The following OSBPL10 variants were observed in gnomAD, a reference collection of about 807,000 sequenced individuals.
The protein encoded by OSBPL10 is oxysterol binding protein like 10, also known as oxysterol-binding protein-related protein 10.
OSBPL10 carries 49 observed loss-of-function variants against 81.7 expected under a neutral mutation model. That is an observed-to-expected ratio of 0.60 (90% confidence interval 0.48 to 0.76). OSBPL10 has a LOEUF of 0.76. Ranked by LOEUF, OSBPL10 falls within the 30% of genes least tolerant of loss-of-function variation. The pLI is 0.00. For synonymous variants in OSBPL10, 419 were observed against 383.6 expected (o/e 1.09, Z -1.08); for missense variants, 923 against 987.8 (o/e 0.93, Z 0.88).
chr3:31,940,072 G>C (rs1051293962), intron 1 of OSBPL10, among the ~76,000 whole-genome samples: 1 of 152,186 alleles, frequency 6.6e-6, no homozygotes. Flanking sequence ...CCATGATTAA[G>C]TATTTAACCA....
rs72850521 is a variant in OSBPL10 at position 31,832,432 on chromosome 3, C to T, written c.538-2201G>A. On this transcript the variant is annotated intron_variant, in intron 3 of 11. Transcript: ENST00000396556. ...TAATTGTTCCTATACTTCATCTCAGCTTGAGAAAAGGCAAGTTAGATAATG... is the reference window on the plus strand; with the variant it reads ...TAATTGTTCCTATACTTCATCTCAGTTTGAGAAAAGGCAAGTTAGATAATG... Among the ~76,000 whole-genome samples, 900 of 152,238 alleles carry T rather than the reference C, an allele frequency of 5.9e-3. 12 individuals carry two copies. Among genetic ancestry groups the T allele is most frequent in the African/African-American group, 0.02 (842 of 41,526 alleles).
At chr3:31,912,594 T>C (rs527789488) in intron 1 of OSBPL10, among the ~76,000 whole-genome samples, 5 of 152,120 alleles carry the variant, frequency 3.3e-5, no homozygotes, top group Non-Finnish European at 7.4e-5. Flanking sequence ...ATCAACTTCA[T>C]CATCAACATT....
chr3:31,848,249 T>A (rs1485744239), intron 3 of OSBPL10, among the ~76,000 whole-genome samples: 1 of 151,850 alleles, frequency 6.6e-6, no homozygotes, highest in Non-Finnish European at 1.5e-5. Context: ...TGAACTGCCT[T>A]CCTTGACTCA....
At chr3:31,722,847 T>C (rs138095887) in intron 6 of OSBPL10, among the ~76,000 whole-genome samples, 1 of 152,312 alleles carries the variant, frequency 6.6e-6, no homozygotes, top group African/African-American at 2.4e-5. Flanking sequence ...TAAATAAAGA[T>C]TTGATACTCT....
intron 3 of OSBPL10, among the ~76,000 whole-genome samples, chr3:31,858,001 T>G (rs543476732): frequency 4.9e-4 from 5 of 10,176 alleles, no homozygotes; most frequent in Non-Finnish European, 1.1e-3. Flanking sequence ...CAGCCTGTGT[T>G]TTTTTTTTTT....
chr3:31,736,958 C>G (rs1361799799), intron 5 of OSBPL10, among the ~76,000 whole-genome samples: 1 of 152,194 alleles, frequency 6.6e-6, no homozygotes, highest in African/African-American at 2.4e-5. Flanking sequence ...GACAACGTTC[C>G]CTCCATTCTT....
At chr3:31,832,844 T>C (rs1238507440) in intron 3 of OSBPL10, among the ~76,000 whole-genome samples, 1 of 152,228 alleles carries the variant, frequency 6.6e-6, no homozygotes, top group Non-Finnish European at 1.5e-5. Context: ...CTAGGTAGTC[T>C]TAGCCTCAGG....
At chr3:31,791,309 C>T (rs1271406204) in intron 4 of OSBPL10, among the ~76,000 whole-genome samples, 1 of 152,118 alleles carries the variant, frequency 6.6e-6, no homozygotes, top group Non-Finnish European at 1.5e-5. Flanking sequence ...GTGAAGGGCA[C>T]ATTCCCAGGC....
intron 1 of OSBPL10, among the ~76,000 whole-genome samples, chr3:32,072,711 A>T (rs1296630784): frequency 6.6e-6 from 1 of 151,984 alleles, no homozygotes; most frequent in African/African-American, 2.4e-5. Context: ...TCGGGGATTC[A>T]CCCTCGCCCA....
intron 3 of OSBPL10, among the ~76,000 whole-genome samples, chr3:31,841,310 T>A (rs1700491805): frequency 6.6e-6 from 1 of 152,200 alleles, no homozygotes; most frequent in African/African-American, 2.4e-5. Flanking sequence ...ACAAGATTCA[T>A]TTACTTATTT....
Position 32,050,057 on chromosome 3 carries a change from T to G in OSBPL10, n.186-3454A>C, listed in dbSNP as rs118116804. ...GTCTTAAGCTGTAGTGAATCTGGTG[T>G]AACAGCAGCAAAAACTGGATGAAGT... On this transcript the variant is annotated intron_variant and non_coding_transcript_variant, in intron 1 of 3. Transcript: ENST00000479173. Among the ~76,000 whole-genome samples the G allele has an allele frequency of 5.8e-3, 884 of 152,328 alleles. 42 individuals are homozygous for G. The East Asian group carries it at 0.11, about 19-fold the overall frequency.
chr3:31,979,297 T>G (rs1172270527), intron 1 of OSBPL10, among the ~76,000 whole-genome samples: 2 of 152,196 alleles, frequency 1.3e-5, no homozygotes, highest in Non-Finnish European at 2.9e-5. Context: ...TAAGTGCAAC[T>G]TCCACTAACA....
At chr3:31,944,833 TAAAAAAAAAAAAAA>T (rs869140991) in intron 1 of OSBPL10, among the ~76,000 whole-genome samples, 54 of 55,116 alleles carry the variant, frequency 9.8e-4, no homozygotes, top group Admixed American at 1.8e-3. Context: ...CCCCTCTCTT[TAAAAAAAAAAAAAA>T]AAAAAAAAAA....
At chr3:31,876,373 A>G (rs1305158936) in intron 3 of OSBPL10, 60 bp downstream of exon 3, 9 of 1,412,950 alleles carry the variant, frequency 6.4e-6, no homozygotes, top group Non-Finnish European at 9.0e-6. Flanking sequence ...GAAACAAATA[A>G]TGGGGCTGAA....
chr3:31,721,607 T>C (rs1231066200), intron 6 of OSBPL10: 1 of 152,238 alleles, frequency 6.6e-6, no homozygotes, highest in East Asian at 1.9e-4. Flanking sequence ...GTGGAGGTCC[T>C]TTGTAAACCA....
chr3:31,712,627 C>T (rs1053884883), intron 6 of OSBPL10, among the ~76,000 whole-genome samples: 3 of 152,176 alleles, frequency 2.0e-5, no homozygotes. Flanking sequence ...CCTAGGGCCT[C>T]CAGAAAGCAA....
chr3:31,878,061 T>A lies in OSBPL10; in HGVS notation c.458-1549A>T, dbSNP rs541901184. Among the ~76,000 whole-genome samples the A allele has an allele frequency of 5.3e-5, 8 of 152,324 alleles. 1 individual carries two copies. The East Asian group carries it at 9.6e-4, about 18-fold the overall frequency. ...GACAAGCCATAAACATGCAGAAATT[T>A]ATCCTGACTTTTTTTTATAGTTACG... On this transcript the variant is annotated intron_variant, in intron 2 of 11. Transcript: ENST00000396556.
intron 6 of OSBPL10, among the ~76,000 whole-genome samples, chr3:31,716,090 A>AGAATCACT (rs1696423400): frequency 1.3e-5 from 2 of 152,232 alleles, no homozygotes; most frequent in African/African-American, 4.8e-5. Context: ...CTGCAGCAGC[A>AGAATCACT]GAATCACTGT....
intron 6 of OSBPL10, 148 bp downstream of exon 6, chr3:31,733,109 G>T: frequency 9.2e-7 from 1 of 1,088,432 alleles, no homozygotes; most frequent in Non-Finnish European, 1.3e-6. Flanking sequence ...CATGCACATA[G>T]CTGATTTTGT....
Sources: allele counts gnomAD v4.1 joint callset (sites outside exome capture counted in the v4.1 genomes callset), GRCh38; gene constraint gnomAD v4.1.1; transcripts MANE v1.5; gene names NCBI Gene and HGNC (gene_info 2026-07-23, HGNC 2026-07-21).